The following CAMKK2 variants were observed in gnomAD, a reference collection of about 807,000 sequenced individuals.
The protein encoded by CAMKK2 is calcium/calmodulin-dependent protein kinase kinase 2.
In CAMKK2, 30 loss-of-function variants were observed where a neutral mutation model predicts 67.2. The ratio of observed to expected loss-of-function variants is 0.45; its 90% CI spans 0.33 to 0.61. The LOEUF is 0.61. CAMKK2 is among the 20% of genes least tolerant of loss of function. The probability of loss-of-function intolerance (pLI) is 0.02; values close to 1 mark genes in which losing one functional copy is unlikely to be tolerated. For missense variants in CAMKK2, 643 were observed against 802.0 expected (o/e 0.80, Z 2.39); for synonymous variants, 322 against 326.2 (o/e 0.99, Z 0.14).
In CAMKK2 at chr12:121,263,827, G is replaced by A; in HGVS notation, c.738C>T (p.Pro246=). The A allele has an allele frequency of 6.2e-7, 1 of 1,611,696 alleles. No homozygotes were observed. Among genetic ancestry groups the A allele is most frequent in the African/African-American group, 1.3e-5 (1 of 75,040 alleles). Residue 246 remains proline (P), a synonymous_variant, in exon 6 of 17, where the codon CCC becomes CCT. Transcript: ENST00000404169. The part of the protein sequence containing the change: ...EIAILKKLDH[P]NVVKLVEVLD... The stretch of plus-strand genomic sequence containing the variant: ...TTACCTCCACCAGCTTCACCACATT[G>A]GGGTGGTCCAGCTTCTTGAGGATGG...
intron 2 of CAMKK2, among the ~76,000 whole-genome samples, chr12:121,273,084 A>G (rs916024360): frequency 3.3e-5 from 5 of 152,150 alleles, no homozygotes; most frequent in Non-Finnish European, 7.3e-5. Context: ...GGCAATAAAC[A>G]ACTAAACCAA....
rs574653041 is a variant in CAMKK2, at chr12:121,269,655, G to A, written c.520-74C>T. On this transcript the variant is annotated intron_variant, in intron 3 of 16. Coordinates refer to ENST00000404169, the MANE Select transcript of CAMKK2 (RefSeq NM_001270485.2). ...GCAAAATGAGAACCCTAATACAGAC[G>A]TTGCAAACCGGCAGCCCATTGGTCA... 45 of 1,161,506 alleles carry A rather than the reference G, an allele frequency of 3.9e-5. No individual in the cohort carries two copies. In the Admixed American group the frequency reaches 5.5e-4, roughly 14 times the overall value. 71.9% of individuals were successfully genotyped at this position (1,161,506 alleles called of 1,614,324 possible).
At chr12:121,275,811 C>T (rs758495734) in intron 1 of CAMKK2, among the ~76,000 whole-genome samples, 11 of 152,046 alleles carry the variant, frequency 7.2e-5, no homozygotes, top group Non-Finnish European at 1.6e-4. Flanking sequence ...GTACTAAATG[C>T]CACTGAACTA....
At chr12:121,293,641 T>TGAGGTTC (rs1280130704) in intron 1 of CAMKK2, among the ~76,000 whole-genome samples, 37 of 151,980 alleles carry the variant, frequency 2.4e-4, no homozygotes, top group African/African-American at 6.8e-4. Context: ...CCATCTAGGA[T>TGAGGTTC]GAGGTTCTCA....
intron 1 of CAMKK2, among the ~76,000 whole-genome samples, chr12:121,282,359 G>C (rs1004074761): frequency 7.9e-5 from 12 of 152,164 alleles, no homozygotes; most frequent in African/African-American, 2.4e-4. Context: ...ACCCTGCTGT[G>C]AGTTGAACTG....
In CAMKK2 at chr12:121,247,216, G is replaced by A. The variant is rs1001744067; in HGVS notation, c.1452+1390C>T. On this transcript the variant is annotated intron_variant, in intron 14 of 16. Coordinates refer to ENST00000404169, the MANE Select transcript of CAMKK2 (RefSeq NM_001270485.2). ...GTGGGTCCAAGTGTGCCTCCATTAG[G>A]GGCATGTCCTGTGGTCCCTCTACTG... Among the ~76,000 whole-genome samples the A allele has an allele frequency of 2.0e-5, 3 of 152,016 alleles. No homozygotes were observed. In the East Asian group the frequency reaches 5.8e-4, roughly 30 times the overall value.
chr12:121,239,246 T>C lies in CAMKK2; in HGVS notation c.*1453A>G, dbSNP rs1216598807. ...CCCCAGCCCAGATTCCACCAAGCGC[T>C]GGAAAGCAGAGCTGGGAATCTCCCA... On this transcript the variant is annotated 3_prime_UTR_variant, in exon 17 of 17. Transcript: ENST00000404169. The C allele has an allele frequency of 6.6e-6, 1 of 152,204 alleles. No individual in the cohort carries two copies. The highest frequency in any genetic ancestry group is 6.5e-5 in the Admixed American group (1 of 15,270). The allele number at this position is 152,204 out of a possible 1,614,324, so 9.4% of individuals were successfully genotyped here.
At chr12:121,243,744 G>T in intron 16 of CAMKK2, 1 of 506,234 alleles carries the variant, frequency 2.0e-6, no homozygotes, top group Non-Finnish European at 2.7e-6. Flanking sequence ...GGTGGTAATG[G>T]CTGCAGAAGT....
chr12:121,282,974 C>CA (rs764122935), intron 1 of CAMKK2, among the ~76,000 whole-genome samples: 20 of 152,086 alleles, frequency 1.3e-4, no homozygotes, highest in Non-Finnish European at 2.4e-4. Flanking sequence ...AGGCTGGTCT[C>CA]AAACTACTGA....
rs138706708 is a variant in CAMKK2, at chr12:121,249,858, C to T, written c.1252G>A (p.Asp418Asn). 286 of 1,614,172 alleles carry T rather than the reference C, an allele frequency of 1.8e-4. 1 individual carries two copies. Among genetic ancestry groups the T allele is most frequent in the South Asian group, 1.7e-3 (153 of 91,082 alleles). Reference sequence around the variant, plus strand: ...ATACGGGTGATCAGGTCCTTCAAGTCCTCAGCTATGTCGGGCCTGGGGATG... The same window carrying T: ...ATACGGGTGATCAGGTCCTTCAAGTTCTCAGCTATGTCGGGCCTGGGGATG... Reference protein sequence around the residue: ...EFPDQPDIAEDLKDLITRMLD... With the variant: ...EFPDQPDIAENLKDLITRMLD... The change falls in exon 13 of 17, where the codon GAC (aspartate) becomes AAC (asparagine). Residue 418 changes from aspartate (D) to asparagine (N), a missense_variant. By Grantham distance (23) the Asp-to-Asn change is conservative. Around this residue, in one of 3 missense-constraint regions of CAMKK2, gnomAD observed 483 missense variants for 625.8 expected, o/e 0.77. Transcript: ENST00000404169.
At chr12:121,252,955 C>G (rs909053613) in intron 10 of CAMKK2, among the ~76,000 whole-genome samples, 1 of 152,292 alleles carries the variant, frequency 6.6e-6, no homozygotes, top group East Asian at 1.9e-4. Context: ...CAATCAGAGC[C>G]AACCCCAGGG....
In CAMKK2 at chr12:121,244,629, A is replaced by T. The variant is rs374822632; in HGVS notation, c.1554-14T>A. On this transcript the variant is annotated splice_polypyrimidine_tract_variant and intron_variant, in intron 15 of 16. Transcript: ENST00000404169. ...GTTGGTTTTTTGCTGGAATCACCAG[A>T]GGGAGGGAAAAGGGAAGTGAGAAGG... The T allele has an allele frequency of 6.4e-7, 1 of 1,558,742 alleles. No homozygotes were observed.
upstream of CAMKK2, chr12:121,297,452 G>T: frequency 2.6e-6 from 1 of 388,256 alleles, no homozygotes; most frequent in South Asian, 1.8e-5. Context: ...CACCATTGAA[G>T]TTCATTCTGG....
rs1898462852 is a variant in CAMKK2, at chr12:121,285,028, C to T, written c.-59-10443G>A. Among the ~76,000 whole-genome samples the T allele has an allele frequency of 1.3e-5, 2 of 152,234 alleles. No homozygotes were observed. Reference sequence around the variant, plus strand: ...TCAGAAGGTCAGAAGCTTTCTTTAGCTGGCCTAGAGTTGAAGTTTCTTTAG... The same window carrying T: ...TCAGAAGGTCAGAAGCTTTCTTTAGTTGGCCTAGAGTTGAAGTTTCTTTAG... On this transcript the variant is annotated intron_variant, in intron 1 of 16. Transcript: ENST00000404169. This position sits in a 1 kb window ranked among gnomAD's most constrained non-coding sequence, Gnocchi z 4.1.
upstream of CAMKK2, chr12:121,297,652 G>T (rs1286436364): frequency 1.9e-6 from 1 of 517,958 alleles, no homozygotes; most frequent in Non-Finnish European, 3.9e-6. Flanking sequence ...GGGGTCGAGC[G>T]ACCCAGGGGA....
intron 14 of CAMKK2, among the ~76,000 whole-genome samples, chr12:121,246,090 G>A (rs1454759629): frequency 2.0e-5 from 3 of 152,094 alleles, no homozygotes; most frequent in Non-Finnish European, 2.9e-5. Flanking sequence ...GCTGGGGGGA[G>A]GTGAATGGAG....
chr12:121,292,369 T>A (rs1900220532), intron 1 of CAMKK2, among the ~76,000 whole-genome samples: 1 of 152,126 alleles, frequency 6.6e-6, no homozygotes, highest in African/African-American at 2.4e-5. Flanking sequence ...CCTCAAGTGA[T>A]CTACCCGCCT....
intron 2 of CAMKK2, among the ~76,000 whole-genome samples, chr12:121,271,306 A>G (rs1183095035): frequency 6.7e-6 from 1 of 149,960 alleles, no homozygotes; most frequent in Non-Finnish European, 1.5e-5. Flanking sequence ...GCAACTAGAT[A>G]CATTTCTCCA....
chr12:121,261,093 C>T (rs1396371146), intron 6 of CAMKK2, among the ~76,000 whole-genome samples: 2 of 152,016 alleles, frequency 1.3e-5, no homozygotes, highest in African/African-American at 4.8e-5. Context: ...TGTCTCCCTG[C>T]CCAGAACAGC....
Sources: gnomAD v4.1 joint callset for allele counts (sites outside exome capture counted in the v4.1 genomes callset) on GRCh38, gnomAD v4.1.1 for gene constraint, gnomAD v4.1.1 regional missense constraint, Gnocchi (gnomAD v3.1) non-coding constraint, MANE v1.5 for transcripts, NCBI Gene and HGNC (gene_info 2026-07-23, HGNC 2026-07-21) for gene names.